The following TMEM204 variants were observed in gnomAD, a reference collection of about 807,000 sequenced individuals.
TMEM204 encodes the protein transmembrane protein 204.
Under a neutral mutation model 19.4 loss-of-function variants are expected in TMEM204, and 15 were observed. The ratio of observed to expected loss-of-function variants is 0.77; its 90% CI spans 0.52 to 1.19. The LOEUF (loss-of-function observed/expected upper bound fraction) is 1.19, where lower values mean the gene tolerates loss of function less well. Ranked by LOEUF, TMEM204 falls within the 50% of genes most tolerant of loss-of-function variation. The pLI is 0.00. For synonymous variants in TMEM204, 161 were observed against 146.0 expected (o/e 1.10, Z -0.74); for missense variants, 287 against 321.2 (o/e 0.89, Z 0.81).
At chr16:1,529,171 T>C (rs1006412521), upstream of TMEM204, among the ~76,000 whole-genome samples, 1 of 152,132 alleles carries the variant, frequency 6.6e-6, no homozygotes, top group Non-Finnish European at 1.5e-5. Flanking sequence ...CACGGACGCA[T>C]TCCACCACCC....
At chr16:1,531,056 G>T (rs1156763976), upstream of TMEM204, 2 of 152,132 alleles carry the variant, frequency 1.3e-5, no homozygotes, top group Middle Eastern at 6.8e-3. The surrounding 1 kb of genome is among the most constrained non-coding windows in gnomAD (Gnocchi z 4.7). Flanking sequence ...CCTGCTCGAG[G>T]GCACCAGCCC....
chr16:1,539,178 C>T (rs2031383473), intron 1 of TMEM204, among the ~76,000 whole-genome samples: 1 of 151,698 alleles, frequency 6.6e-6, no homozygotes, highest in Admixed American at 6.6e-5. Context: ...GCCACGCCGC[C>T]CCACGCCTTG....
chr16:1,538,030 G>A (rs926290473), intron 1 of TMEM204, among the ~76,000 whole-genome samples: 2 of 152,222 alleles, frequency 1.3e-5, no homozygotes, highest in Admixed American at 6.5e-5. Flanking sequence ...GCCACGCAGA[G>A]CCACGCAGAG....
At chr16:1,529,669 ACTT>A (rs1021136577), upstream of TMEM204, among the ~76,000 whole-genome samples, 1 of 152,162 alleles carries the variant, frequency 6.6e-6, no homozygotes, top group Admixed American at 6.5e-5. Context: ...TTACAATGAA[ACTT>A]CTTTCTAACA....
chr16:1,551,242 G>A lies in TMEM204; in HGVS notation c.437-3540G>A, dbSNP rs1316084767. 6.6e-6 allele frequency among the ~76,000 whole-genome samples: 1 copy of A among 152,194 alleles called. No homozygotes were observed. The highest frequency in any genetic ancestry group is 1.5e-5 in the Non-Finnish European group (1 of 68,034). ...AGCCTGCCCTGTGGCGGGGGAGAGC[G>A]GCCAGAGCCACCCATGGGTAAAGAC... On this transcript the variant is annotated intron_variant, in intron 2 of 2. Transcript: ENST00000566264. The surrounding 1 kb of genome is among the most constrained non-coding windows in gnomAD (Gnocchi z 4.0).
At chr16:1,531,353 C>G (rs771610246), upstream of TMEM204, 1 of 152,210 alleles carries the variant, frequency 6.6e-6, no homozygotes, top group Non-Finnish European at 1.5e-5. This position sits in a 1 kb window ranked among gnomAD's most constrained non-coding sequence, Gnocchi z 4.7. Flanking sequence ...CACTCTGTGT[C>G]AGGATGAGGG....
chr16:1,547,834 C>G (rs534108230), intron 2 of TMEM204, among the ~76,000 whole-genome samples: 1 of 152,198 alleles, frequency 6.6e-6, no homozygotes, highest in Non-Finnish European at 1.5e-5. Flanking sequence ...CTGTGCCTGG[C>G]AAATCATCTA....
At chr16:1,550,573 G>A (rs954212810) in intron 2 of TMEM204, among the ~76,000 whole-genome samples, 2 of 152,370 alleles carry the variant, frequency 1.3e-5, no homozygotes, top group Middle Eastern at 3.4e-3. Flanking sequence ...GCGTCTCAGG[G>A]CTGGGGTGGC....
chr16:1,532,338 G>C (rs1191778163), upstream of TMEM204: 3 of 152,368 alleles, frequency 2.0e-5, no homozygotes. Flanking sequence ...TCCCCCCCAG[G>C]CACGTCCCTC....
At chr16:1,544,376 G>A (rs1260686746) in intron 2 of TMEM204, among the ~76,000 whole-genome samples, 4 of 151,916 alleles carry the variant, frequency 2.6e-5, no homozygotes, top group Admixed American at 6.6e-5. Flanking sequence ...TAGTAGAGAT[G>A]GGGTTTCACT....
chr16:1,554,734 C>G, intron 2 of TMEM204, 48 bp from the exon 3 acceptor site: 1 of 1,601,630 alleles, frequency 6.2e-7, no homozygotes, highest in Non-Finnish European at 8.5e-7. Flanking sequence ...AGGAGTGGAA[C>G]CCGCCTTCCT....
chr16:1,534,866 G>A (rs116903565), intron 1 of TMEM204, among the ~76,000 whole-genome samples: 2,074 of 152,250 alleles, frequency 0.014, 32 homozygotes, highest in South Asian at 0.046. Context: ...GTTAAGAGAT[G>A]GGTACATTAA....
intron 1 of TMEM204, among the ~76,000 whole-genome samples, chr16:1,538,315 G>A (rs902116551): frequency 6.6e-5 from 10 of 152,338 alleles, no homozygotes; most frequent in Middle Eastern, 3.4e-3. Flanking sequence ...CTGGAGCTGC[G>A]AGGAAGGAAG....
intron 2 of TMEM204, among the ~76,000 whole-genome samples, chr16:1,548,879 C>T (rs967044631): frequency 2.0e-5 from 3 of 152,294 alleles, no homozygotes; most frequent in South Asian, 2.1e-4. Context: ...TCTGCATTTC[C>T]GTGTATTTGT....
intron 2 of TMEM204, among the ~76,000 whole-genome samples, chr16:1,546,583 G>C (rs1229303049): frequency 6.6e-6 from 1 of 152,160 alleles, no homozygotes; most frequent in Non-Finnish European, 1.5e-5. Context: ...CTTCAGGCCC[G>C]AGGCGCATCC....
chr16:1,536,749 TCG>T (rs974538793), intron 1 of TMEM204, among the ~76,000 whole-genome samples: 21 of 152,278 alleles, frequency 1.4e-4, no homozygotes, highest in African/African-American at 4.6e-4. Context: ...CCTGCCTCTC[TCG>T]CCTTCTCCTT....
chr16:1,555,179 C>A lies in TMEM204; in HGVS notation c.*153C>A. ...GCGCCATGCGTGCGAGACACGTGTG[C>A]GTTTACTGTTATGTCGGTCATATGT... On this transcript the variant is annotated 3_prime_UTR_variant, in exon 3 of 3. Transcript: ENST00000566264. 2.2e-6 allele frequency: 2 copies of A among 927,202 alleles called. No individual in the cohort carries two copies. The highest frequency in any genetic ancestry group is 1.8e-5 in the South Asian group (1 of 56,962). The allele number at this position is 927,202 out of a possible 1,614,324, so 57.4% of individuals were successfully genotyped here. A position where few individuals can be genotyped will look rare whatever the true frequency, so the allele number is the denominator to read the frequency against.
Position 1,555,097 on chromosome 16 carries a change from C to A in TMEM204, c.*71C>A. The A allele has an allele frequency of 6.5e-7, 1 of 1,529,394 alleles. No individual in the cohort carries two copies. Among genetic ancestry groups the A allele is most frequent in the Admixed American group, 1.9e-5 (1 of 53,114 alleles). 94.7% of individuals were successfully genotyped at this position (1,529,394 alleles called of 1,614,324 possible). A position where few individuals can be genotyped will look rare whatever the true frequency, so the allele number is the denominator to read the frequency against. On this transcript the variant is annotated 3_prime_UTR_variant, in exon 3 of 3. Coordinates refer to ENST00000566264, the MANE Select transcript of TMEM204 (RefSeq NM_024600.6). Reference sequence around the variant, plus strand: ...ACAGCCTAGAAACCAAGGGACTCCACCACCAAGTCACTTCCCCTGCTCGTG... The same window carrying A: ...ACAGCCTAGAAACCAAGGGACTCCAACACCAAGTCACTTCCCCTGCTCGTG...
upstream of TMEM204, chr16:1,532,581 G>C (rs530830303): frequency 4.6e-5 from 7 of 152,304 alleles, no homozygotes; most frequent in Non-Finnish European, 1.0e-4. Context: ...GACAGGAAAC[G>C]GTCAAAGCTC....
Sources: gnomAD v4.1 joint callset for allele counts (sites outside exome capture counted in the v4.1 genomes callset) on GRCh38, gnomAD v4.1.1 for gene constraint, Gnocchi (gnomAD v3.1) non-coding constraint, MANE v1.5 for transcripts, NCBI Gene and HGNC (gene_info 2026-07-23, HGNC 2026-07-21) for gene names.